KAZN: variants seen among roughly 807,000 people sequenced by gnomAD.
The protein encoded by KAZN is kazrin.
In KAZN, 40 loss-of-function variants were observed where a neutral mutation model predicts 87.4. The observed-to-expected ratio is 0.46, with a 90% CI of 0.36 to 0.60. The LOEUF (loss-of-function observed/expected upper bound fraction) is 0.60, where lower values mean the gene tolerates loss of function less well. Ranked by LOEUF, KAZN falls within the 20% of genes least tolerant of loss-of-function variation. The pLI is 0.00. For synonymous variants in KAZN, 466 were observed against 458.3 expected (o/e 1.02, Z -0.22); for missense variants, 898 against 1,073.9 (o/e 0.84, Z 2.29).
intron 1 of KAZN, among the ~76,000 whole-genome samples, chr1:14,771,303 G>A (rs1408639304): frequency 1.3e-5 from 2 of 152,156 alleles, no homozygotes; most frequent in Non-Finnish European, 2.9e-5. Context: ...AAGATGCCAA[G>A]ACAGTAGGCA....
chr1:14,719,269 C>G (rs6688730), intron 1 of KAZN, among the ~76,000 whole-genome samples: 59,875 of 152,134 alleles, frequency 0.39, 13,194 homozygotes, highest in East Asian at 0.52. Flanking sequence ...TGACCATAGT[C>G]AACACATTTA....
At chr1:15,017,202 G>A (rs1670208373) in intron 2 of KAZN, among the ~76,000 whole-genome samples, 1 of 151,810 alleles carries the variant, frequency 6.6e-6, no homozygotes, top group Non-Finnish European at 1.5e-5. Flanking sequence ...GGAGGCTGAG[G>A]CACGAGAATT....
At chr1:15,024,405 G>A (rs892652854) in intron 2 of KAZN, among the ~76,000 whole-genome samples, 1 of 152,218 alleles carries the variant, frequency 6.6e-6, no homozygotes, top group Non-Finnish European at 1.5e-5. Context: ...CAACCCTTTT[G>A]AACATTTTTG....
intron 1 of KAZN, among the ~76,000 whole-genome samples, chr1:14,677,864 C>G (rs924862038): frequency 6.6e-6 from 1 of 152,170 alleles, no homozygotes; most frequent in African/African-American, 2.4e-5. Context: ...AGCAGCCCCT[C>G]AGGGGAGGTC....
chr1:15,098,941 A>C (rs1368436295), intron 10 of KAZN, among the ~76,000 whole-genome samples: 1 of 152,240 alleles, frequency 6.6e-6, no homozygotes, highest in Non-Finnish European at 1.5e-5. Context: ...CTGACCGTCC[A>C]GTGAGGCAGC....
chr1:14,507,978 T>TA (rs567197866), intron 2 of KAZN, among the ~76,000 whole-genome samples: 4,824 of 91,300 alleles, frequency 0.053, 260 homozygotes, highest in African/African-American at 0.18. Flanking sequence ...AAAAAATAAA[T>TA]AAAAAAAAAA....
intron 2 of KAZN, among the ~76,000 whole-genome samples, chr1:14,460,401 G>A (rs1425566336): frequency 6.6e-6 from 1 of 152,188 alleles, no homozygotes; most frequent in Non-Finnish European, 1.5e-5. Context: ...CCGGGAGCTT[G>A]AGCAAGGCGG....
Position 15,101,743 on chromosome 1 carries a change from A to T in KAZN, c.1748A>T (p.Glu583Val). 1 of 1,586,880 alleles carries T rather than the reference A, an allele frequency of 6.3e-7. No homozygotes were observed. Residue 583 changes from glutamate (E) to valine (V), a missense_variant, in exon 11 of 15, where the codon GAG becomes GTG. Glu to Val is a moderately radical substitution (Grantham distance 121). Coordinates refer to ENST00000376030, the MANE Select transcript of KAZN (RefSeq NM_201628.3). ...FHQVSILLGI[E>V]LLYQVNFSRE... Reference sequence around the variant, plus strand: ...CAGGTCAGCATCCTGCTGGGGATCGAGCTGCTGTACCAAGTGAACTTCAGC... The same window carrying T: ...CAGGTCAGCATCCTGCTGGGGATCGTGCTGCTGTACCAAGTGAACTTCAGC...
chr1:14,948,407 T>G (rs1662090268), intron 1 of KAZN, among the ~76,000 whole-genome samples: 1 of 152,094 alleles, frequency 6.6e-6, no homozygotes, highest in African/African-American at 2.4e-5. Flanking sequence ...AGCCCATTGG[T>G]AAAGAGAGCA....
At position 14,923,096 on chromosome 1, in the gene KAZN, T is replaced by A. The variant is rs1189666724; in HGVS notation, c.227-37588T>A. Among the ~76,000 whole-genome samples the A allele has an allele frequency of 6.6e-6, 1 of 152,196 alleles. No individual in the cohort carries two copies. Among genetic ancestry groups the A allele is most frequent in the East Asian group, 1.9e-4 (1 of 5,192 alleles). On this transcript the variant is annotated intron_variant, in intron 1 of 14. Transcript: ENST00000376030. The surrounding 1 kb of genome is among the most constrained non-coding windows in gnomAD (Gnocchi z 4.2). ...TTTGCACATCTCAGGCCTGGGCCAG[T>A]GGGAGCCTCAGATTATAGAGCCAAG...
chr1:14,163,416 C>T (rs1645753550), intron 1 of KAZN, among the ~76,000 whole-genome samples: 1 of 152,128 alleles, frequency 6.6e-6, no homozygotes. Context: ...CAGTGGCCTG[C>T]CAGCACTTGG....
At chr1:13,931,419 G>A (rs1640504321) in intron 1 of KAZN, among the ~76,000 whole-genome samples, 1 of 151,772 alleles carries the variant, frequency 6.6e-6, no homozygotes, top group African/African-American at 2.4e-5. Context: ...TGCTTCTTTG[G>A]GAACTGCCAA....
At chr1:14,038,584 G>A (rs1231684088) in intron 1 of KAZN, among the ~76,000 whole-genome samples, 3 of 152,160 alleles carry the variant, frequency 2.0e-5, no homozygotes, top group Non-Finnish European at 2.9e-5. Context: ...ATGAAAGTGG[G>A]ATGCTGGGAG....
intron 10 of KAZN, among the ~76,000 whole-genome samples, chr1:15,100,055 C>T (rs1260659175): frequency 1.3e-5 from 2 of 151,990 alleles, no homozygotes; most frequent in Non-Finnish European, 2.9e-5. Flanking sequence ...CAGCTAGAGG[C>T]TGAGAGAGGA....
intron 2 of KAZN, among the ~76,000 whole-genome samples, chr1:14,378,180 T>C (rs735832): frequency 0.87 from 131,820 of 152,222 alleles, 57,335 homozygotes; most frequent in Middle Eastern, 0.93. Flanking sequence ...ATAAGACGTT[T>C]ATGGAATTTC....
chr1:14,727,717 C>T (rs12061422), intron 1 of KAZN, among the ~76,000 whole-genome samples: 23,304 of 151,306 alleles, frequency 0.15, 1,867 homozygotes, highest in African/African-American at 0.19. Context: ...CCGCCCACCA[C>T]GGCCTCCCTA....
At chr1:14,519,028 T>C (rs1048502042) in intron 2 of KAZN, among the ~76,000 whole-genome samples, 3 of 152,162 alleles carry the variant, frequency 2.0e-5, no homozygotes, top group Admixed American at 6.5e-5. Context: ...TGGGCCACCA[T>C]TTCCTTAGCC....
intron 10 of KAZN, among the ~76,000 whole-genome samples, chr1:15,101,189 C>CTCTCT: frequency 2.4e-5 from 1 of 41,694 alleles, no homozygotes; most frequent in Non-Finnish European, 5.8e-5. Context: ...TCTCTCTCTG[C>CTCTCT]CTCTTCCTCT....
chr1:14,853,945 G>T (rs76953139), intron 1 of KAZN, among the ~76,000 whole-genome samples: 3,989 of 152,304 alleles, frequency 0.026, 177 homozygotes, highest in African/African-American at 0.091. Context: ...AGAGGAGAGA[G>T]ATGTACTTCT....
Sources: gnomAD v4.1 joint callset for allele counts (sites outside exome capture counted in the v4.1 genomes callset) on GRCh38, gnomAD v4.1.1 for gene constraint, Gnocchi (gnomAD v3.1) non-coding constraint, MANE v1.5 for transcripts, NCBI Gene and HGNC (gene_info 2026-07-23, HGNC 2026-07-21) for gene names.